The following BTBD9 variants were observed in gnomAD, a reference collection of about 807,000 sequenced individuals.
BTBD9 encodes BTB/POZ domain-containing protein 9.
A neutral mutation model predicts 64.3 loss-of-function variants in BTBD9; 49 were observed. That is an observed-to-expected ratio of 0.76 (90% CI 0.61 to 0.97). BTBD9 has a LOEUF of 0.97. Among genes scored for constraint, BTBD9 ranks in the 50% least tolerant of loss-of-function variants. The probability of loss-of-function intolerance (pLI) is 0.00; values close to 1 mark genes in which losing one functional copy is unlikely to be tolerated. For missense variants in BTBD9, 598 were observed against 762.1 expected, an observed-to-expected ratio of 0.78 and a Z score of 2.53; for synonymous variants, 260 against 274.7, an observed-to-expected ratio of 0.95 and a Z score of 0.53.
chr6:38,360,688 A>G (rs1764916747), intron 6 of BTBD9, among the ~76,000 whole-genome samples: 1 of 152,134 alleles, frequency 6.6e-6, no homozygotes, highest in African/African-American at 2.4e-5. Flanking sequence ...CATGTGCAAA[A>G]TCTAGGAATA....
intron 8 of BTBD9, among the ~76,000 whole-genome samples, chr6:38,257,121 C>T (rs1304397350): frequency 6.8e-6 from 1 of 146,464 alleles, no homozygotes; most frequent in East Asian, 2.0e-4. Context: ...CCAGGCAGGT[C>T]CTGAACTCCT....
At chr6:38,360,539 A>C (rs555148391) in intron 6 of BTBD9, among the ~76,000 whole-genome samples, 24 of 152,206 alleles carry the variant, frequency 1.6e-4, no homozygotes, top group Admixed American at 5.9e-4. Context: ...GATAGCACAT[A>C]GGAATGGTAC....
intron 6 of BTBD9, among the ~76,000 whole-genome samples, chr6:38,417,654 G>T (rs1293635088): frequency 6.6e-6 from 1 of 152,028 alleles, no homozygotes; most frequent in Non-Finnish European, 1.5e-5. Context: ...CGTGCCTATA[G>T]TCCCAGCTAC....
chr6:38,491,252 T>C (rs1233828248), intron 6 of BTBD9, among the ~76,000 whole-genome samples: 1 of 152,124 alleles, frequency 6.6e-6, no homozygotes, highest in Non-Finnish European at 1.5e-5. Flanking sequence ...AAACACAATA[T>C]CGTGAAATAA....
At chr6:38,358,583 G>T (rs1764823029) in intron 6 of BTBD9, among the ~76,000 whole-genome samples, 1 of 152,140 alleles carries the variant, frequency 6.6e-6, no homozygotes, top group African/African-American at 2.4e-5. Context: ...TAACTCAGAG[G>T]AGTAGTGAGC....
At chr6:38,401,225 G>T (rs972811339) in intron 6 of BTBD9, among the ~76,000 whole-genome samples, 1 of 152,186 alleles carries the variant, frequency 6.6e-6, no homozygotes, top group African/African-American at 2.4e-5. Context: ...CACGAGAGAT[G>T]ATGGTTTAAG....
chr6:38,287,141 CACATATAGCAGCCT>C (rs1761770009), intron 8 of BTBD9, among the ~76,000 whole-genome samples: 1 of 139,602 alleles, frequency 7.2e-6, no homozygotes, highest in Non-Finnish European at 1.5e-5. Context: ...CACACACACA[CACATATAGCAGCCT>C]AAATGTACAA....
intron 6 of BTBD9, among the ~76,000 whole-genome samples, chr6:38,444,995 C>T (rs1769202389): frequency 6.6e-6 from 1 of 152,136 alleles, no homozygotes; most frequent in South Asian, 2.1e-4. Context: ...CTGGCTGGGG[C>T]CATGTAAATT....
chr6:38,435,009 A>C (rs1193472553), intron 6 of BTBD9, among the ~76,000 whole-genome samples: 6 of 151,826 alleles, frequency 4.0e-5, no homozygotes, highest in Non-Finnish European at 8.8e-5. Flanking sequence ...AGCCTGACCA[A>C]CATGGAGAAA....
intron 9 of BTBD9, among the ~76,000 whole-genome samples, chr6:38,245,038 T>A (rs1317919293): frequency 6.6e-6 from 1 of 152,116 alleles, no homozygotes; most frequent in East Asian, 1.9e-4. Context: ...GAAACCAACA[T>A]GCATACGTGA....
At chr6:38,428,708 G>A (rs544161543) in intron 6 of BTBD9, among the ~76,000 whole-genome samples, 2 of 147,954 alleles carry the variant, frequency 1.4e-5, no homozygotes, top group South Asian at 2.2e-4. Flanking sequence ...ATGATTTTTC[G>A]TTTTTTCTTT....
intron 4 of BTBD9, among the ~76,000 whole-genome samples, chr6:38,591,638 G>C (rs2127490009): frequency 6.6e-6 from 1 of 152,320 alleles, no homozygotes; most frequent in African/African-American, 2.4e-5. Context: ...CCTTGGGCAA[G>C]TTACTTAACT....
intron 9 of BTBD9, among the ~76,000 whole-genome samples, chr6:38,207,981 A>AT (rs933662684): frequency 2.0e-5 from 3 of 152,008 alleles, no homozygotes; most frequent in South Asian, 2.1e-4. Context: ...AACTTTGATA[A>AT]TTTTTTTTAA....
At chr6:38,473,111 A>G (rs1169344907) in intron 6 of BTBD9, among the ~76,000 whole-genome samples, 1 of 152,206 alleles carries the variant, frequency 6.6e-6, no homozygotes, top group Non-Finnish European at 1.5e-5. Flanking sequence ...CAAACAGAAC[A>G]AGAAGTCTTC....
chr6:38,610,922 G>C lies in BTBD9; in HGVS notation c.-27-12801C>G, dbSNP rs181687425. 5.9e-3 allele frequency among the ~76,000 whole-genome samples: 888 copies of C among 150,164 alleles called. 9 individuals carry two copies. Among genetic ancestry groups the C allele is most frequent in the Non-Finnish European group, 9.6e-3 (647 of 67,602 alleles). On this transcript the variant is annotated intron_variant, in intron 1 of 10. Transcript: ENST00000481247. ...GTAACTGCAAAAAACCGGGGTGGGGGGGGGACTAAACGTCCATCAATACGG... is the reference window on the plus strand; with the variant it reads ...GTAACTGCAAAAAACCGGGGTGGGGCGGGGACTAAACGTCCATCAATACGG...
chr6:38,635,340 T>C (rs182880428), intron 1 of BTBD9, among the ~76,000 whole-genome samples: 3 of 152,238 alleles, frequency 2.0e-5, no homozygotes, highest in Admixed American at 2.0e-4. Context: ...TTCACCATGT[T>C]GGCCAGGCTA....
At position 38,594,289 on chromosome 6, in the gene BTBD9, T is replaced by C. The variant is rs1406351494; in HGVS notation, c.224A>G (p.Glu75Gly). Residue 75 changes from glutamate to glycine, a missense_variant, in exon 3 of 11, where the codon GAA becomes GGA. Transcript: ENST00000481247. ...LYGGMRESQP[E>G]AEIPLQDTTA... ...GGTGTCTTGGAGAGGAATTTCTGCT[T>C]CAGGCTGAGACTCTCGCATTCCACC... The C allele has an allele frequency of 6.2e-7, 1 of 1,613,950 alleles. No homozygotes were observed. Among genetic ancestry groups the C allele is most frequent in the Non-Finnish European group, 8.5e-7 (1 of 1,179,818 alleles).
intron 10 of BTBD9, among the ~76,000 whole-genome samples, chr6:38,183,238 A>C (rs1248465468): frequency 6.6e-6 from 1 of 152,174 alleles, no homozygotes; most frequent in African/African-American, 2.4e-5. Context: ...CGGCCTCCCA[A>C]AGTGCTGGGA....
intron 6 of BTBD9, among the ~76,000 whole-genome samples, chr6:38,358,478 A>T (rs189725406): frequency 1.3e-5 from 2 of 152,330 alleles, no homozygotes; most frequent in Admixed American, 1.3e-4. Context: ...CATCCTCTTT[A>T]ATCCATGGAG....
Sources: gnomAD v4.1 joint callset for allele counts (sites outside exome capture counted in the v4.1 genomes callset) on GRCh38, gnomAD v4.1.1 for gene constraint, MANE v1.5 for transcripts, NCBI Gene and HGNC (gene_info 2026-07-23, HGNC 2026-07-21) for gene names.